The following CABCOCO1 variants were observed in gnomAD, a reference collection of about 807,000 sequenced individuals.
CABCOCO1 encodes the protein ciliary-associated calcium-binding coiled-coil protein 1.
A neutral mutation model predicts 35.7 loss-of-function variants in CABCOCO1; 28 were observed. The observed-to-expected ratio is 0.78, with a 90% CI of 0.58 to 1.07. The LOEUF is 1.07. Ranked by LOEUF, CABCOCO1 falls within the 50% of genes least tolerant of loss-of-function variation. The pLI is 0.00. For missense variants in CABCOCO1, 326 were observed against 309.2 expected, an observed-to-expected ratio of 1.05 and a Z score of -0.41; for synonymous variants, 95 against 100.1, an observed-to-expected ratio of 0.95 and a Z score of 0.30.
At chr10:61,701,708 C>T in intron 5 of CABCOCO1, 1 of 984,686 alleles carries the variant, frequency 1.0e-6, no homozygotes, top group Non-Finnish European at 1.2e-6. Context: ...GATATGCATG[C>T]CTAAAGTAAA....
In CABCOCO1 at chr10:61,701,372, C is replaced by CT. The variant is rs35277908; in HGVS notation, c.552+10756dup. The stretch of plus-strand genomic sequence containing the variant: ...CATGTTTATGTGATTAGGCAGTGTT[C>CT]TTTTTCCCTAAAGCAAAAGGTTCTA... On this transcript the variant is annotated intron_variant, in intron 5 of 7. Transcript: ENST00000648843. Among the ~76,000 whole-genome samples, 277 of 152,014 alleles carry CT rather than the reference C, an allele frequency of 1.8e-3. 1 individual carries two copies. The highest frequency in any genetic ancestry group is 3.4e-3 in the Middle Eastern group (1 of 294).
In CABCOCO1 at chr10:61,760,086, T is replaced by G. The variant is rs374104809; in HGVS notation, c.580T>G (p.Cys194Gly). The change falls in exon 6 of 8, where the codon TGT becomes GGT. Residue 194 changes from cysteine to glycine, a missense_variant. Coordinates refer to ENST00000648843, the MANE Select transcript of CABCOCO1 (RefSeq NM_001366906.2). The stretch of plus-strand genomic sequence containing the variant: ...AGTGATAGAGGTTGTCAAGTCTGCA[T>G]GTGGCCCTTTCCCAAATCCTCTGGA... ...EQVIEVVKSA[C>G]GPFPNPLEEG... is the part of the protein sequence containing the mutation. The G allele has an allele frequency of 1.2e-6, 2 of 1,612,928 alleles. No individual in the cohort carries two copies. The highest frequency in any genetic ancestry group is 4.5e-5 in the East Asian group (2 of 44,854).
Position 61,663,044 on chromosome 10 carries a change from C to T in CABCOCO1, c.60+12C>T, listed in dbSNP as rs1250362958. On this transcript the variant is annotated intron_variant, in intron 1 of 7. Transcript: ENST00000648843. ...CGCCCGAATCGGAGGTACACCGCCC[C>T]TTTCCCTTCCCGGTACCGGTGCCGG... 1 of 252,488 alleles carries T rather than the reference C, an allele frequency of 4.0e-6. No individual in the cohort carries two copies. The highest frequency in any genetic ancestry group is 9.0e-6 in the Non-Finnish European group (1 of 111,578). 15.6% of individuals were successfully genotyped at this position (252,488 alleles called of 1,614,324 possible).
intron 5 of CABCOCO1, among the ~76,000 whole-genome samples, chr10:61,705,695 G>A (rs749297414): frequency 1.3e-5 from 2 of 152,314 alleles, no homozygotes; most frequent in Non-Finnish European, 2.9e-5. Flanking sequence ...TTTGTGAAGA[G>A]ATCTAGGCAT....
chr10:61,675,777 A>G (rs1375252233), intron 2 of CABCOCO1, among the ~76,000 whole-genome samples: 1 of 152,120 alleles, frequency 6.6e-6, no homozygotes, highest in African/African-American at 2.4e-5. Context: ...TTTTAGAACT[A>G]AGGCAAGAAA....
In CABCOCO1 at chr10:61,680,671, CAT is replaced by C. The variant is rs74188857; in HGVS notation, c.165-467_165-466del. Among the ~76,000 whole-genome samples the C allele has an allele frequency of 3.2e-4, 17 of 53,436 alleles. 4 individuals are homozygous for C. Among genetic ancestry groups the C allele is most frequent in the African/African-American group, 8.5e-4 (16 of 18,748 alleles). The allele number at this position is 53,436 out of a possible 152,430, so 35.1% of individuals were successfully genotyped here. A position where few individuals can be genotyped will look rare whatever the true frequency, so the allele number is the denominator to read the frequency against. The stretch of plus-strand genomic sequence containing the variant: ...TATATATTATGTTATACATGTATAA[CAT>C]ATATGTTATACATGTATAACATATA... On this transcript the variant is annotated intron_variant, in intron 2 of 7. Transcript: ENST00000648843.
chr10:61,698,938 CT>C (rs1369716327), intron 5 of CABCOCO1, among the ~76,000 whole-genome samples: 2 of 152,096 alleles, frequency 1.3e-5, no homozygotes, highest in African/African-American at 4.8e-5. Flanking sequence ...ATAAAGATAT[CT>C]TTTTTTCTCT....
intron 1 of CABCOCO1, among the ~76,000 whole-genome samples, chr10:61,670,913 A>T (rs1478031907): frequency 2.6e-5 from 4 of 152,194 alleles, no homozygotes; most frequent in African/African-American, 9.7e-5. Flanking sequence ...ATTTCTAACT[A>T]AACTCTAAAC....
chr10:61,717,733 G>A (rs2132037099), intron 5 of CABCOCO1, among the ~76,000 whole-genome samples: 2 of 152,246 alleles, frequency 1.3e-5, no homozygotes, highest in East Asian at 1.9e-4. Context: ...AGGAAAGGGA[G>A]GAATCACTTC....
chr10:61,687,074 T>A (rs1839986222), intron 4 of CABCOCO1, among the ~76,000 whole-genome samples: 1 of 152,244 alleles, frequency 6.6e-6, no homozygotes, highest in African/African-American at 2.4e-5. Flanking sequence ...TTGGCAAGGA[T>A]TCTAGCTGAA....
chr10:61,689,768 G>C (rs921423428), intron 4 of CABCOCO1, among the ~76,000 whole-genome samples: 2 of 152,122 alleles, frequency 1.3e-5, no homozygotes, highest in African/African-American at 4.8e-5. Context: ...CCAGCAGGAA[G>C]AGAACTAGAA....
intron 3 of CABCOCO1, among the ~76,000 whole-genome samples, chr10:61,683,138 G>T (rs1008674739): frequency 6.6e-6 from 1 of 152,044 alleles, no homozygotes; most frequent in Non-Finnish European, 1.5e-5. Flanking sequence ...TGATCTGCCC[G>T]CCTCAGCTTC....
chr10:61,668,449 C>T (rs1839257010), intron 1 of CABCOCO1, among the ~76,000 whole-genome samples: 1 of 151,734 alleles, frequency 6.6e-6, no homozygotes, highest in Non-Finnish European at 1.5e-5. Context: ...AGTGTAAAAC[C>T]ATCTGGGCAT....
intron 5 of CABCOCO1, among the ~76,000 whole-genome samples, chr10:61,722,007 T>G (rs1372331410): frequency 6.6e-6 from 1 of 152,152 alleles, no homozygotes; most frequent in Non-Finnish European, 1.5e-5. Flanking sequence ...CTCAGCCATG[T>G]GCCCATCATG....
chr10:61,746,874 C>T (rs1841674079), intron 5 of CABCOCO1, among the ~76,000 whole-genome samples: 2 of 152,060 alleles, frequency 1.3e-5, no homozygotes, highest in African/African-American at 4.8e-5. Flanking sequence ...CCATAATTTA[C>T]AATAAATTAG....
chr10:61,707,854 A>T (rs148442413), intron 5 of CABCOCO1, among the ~76,000 whole-genome samples: 49 of 152,312 alleles, frequency 3.2e-4, no homozygotes, highest in Admixed American at 9.2e-4. Flanking sequence ...TGCACAAGGT[A>T]AAAACAGAAG....
chr10:61,743,164 G>C (rs1263465198), intron 5 of CABCOCO1, among the ~76,000 whole-genome samples: 2 of 152,000 alleles, frequency 1.3e-5, no homozygotes, highest in Non-Finnish European at 2.9e-5. Flanking sequence ...TAATCAAGCA[G>C]GCTTCCTCTC....
intron 5 of CABCOCO1, among the ~76,000 whole-genome samples, chr10:61,756,847 CTGTTTT>C (rs1397659608): frequency 6.6e-6 from 1 of 151,546 alleles, no homozygotes; most frequent in East Asian, 1.9e-4. Context: ...TGATCCTTTT[CTGTTTT>C]TATTTTTCCA....
chr10:61,737,818 G>A (rs1257968793), intron 5 of CABCOCO1, among the ~76,000 whole-genome samples: 1 of 152,034 alleles, frequency 6.6e-6, no homozygotes, highest in East Asian at 1.9e-4. Flanking sequence ...CAGGAGGGTG[G>A]GAGGAGGGAG....
Sources: gnomAD v4.1 joint callset for allele counts (sites outside exome capture counted in the v4.1 genomes callset) on GRCh38, gnomAD v4.1.1 for gene constraint, MANE v1.5 for transcripts, NCBI Gene and HGNC (gene_info 2026-07-23, HGNC 2026-07-21) for gene names.